SNX13: variants seen among roughly 807,000 people sequenced by gnomAD.
SNX13 encodes sorting nexin-13.
Under a neutral mutation model 133.6 loss-of-function variants are expected in SNX13, and 45 were observed. The observed-to-expected ratio is 0.34, with a 90% CI of 0.27 to 0.43. The LOEUF (loss-of-function observed/expected upper bound fraction) is 0.43. Among genes scored for constraint, SNX13 ranks in the 20% least tolerant of loss-of-function variants. The probability of loss-of-function intolerance (pLI) is 1.00; values close to 1 mark genes in which losing one functional copy is unlikely to be tolerated. For missense variants in SNX13, 1,032 were observed against 1,145.1 expected, an observed-to-expected ratio of 0.90 and a Z score of 1.43; for synonymous variants, 414 against 373.9, an observed-to-expected ratio of 1.11 and a Z score of -1.24.
chr7:17,792,729 A>G lies in SNX13; in HGVS notation c.*1316T>C, dbSNP rs1783666174. The G allele has an allele frequency of 1.3e-5, 2 of 152,358 alleles. No individual in the cohort carries two copies. Among genetic ancestry groups the G allele is most frequent in the South Asian group, 4.1e-4 (2 of 4,834 alleles). The allele number at this position is 152,358 out of a possible 1,614,324, so 9.4% of individuals were successfully genotyped here. The stretch of plus-strand genomic sequence containing the variant: ...AGCTGACACACCCAAACCCTTAGGC[A>G]ATGAAAGTATTTAAAACTATGCAGA... On this transcript the variant is annotated 3_prime_UTR_variant, in exon 26 of 26. Coordinates refer to ENST00000428135, the MANE Select transcript of SNX13 (RefSeq NM_015132.5).
At chr7:17,798,975 G>T (rs373246640) in intron 23 of SNX13, 34 bp downstream of exon 23, 51 of 1,589,168 alleles carry the variant, frequency 3.2e-5, no homozygotes, top group Non-Finnish European at 4.2e-5. Context: ...AGCTAAGTAA[G>T]ATCAGATTAA....
intron 9 of SNX13, among the ~76,000 whole-genome samples, chr7:17,860,246 G>A (rs561233028): frequency 1.3e-5 from 2 of 152,062 alleles, no homozygotes; most frequent in Non-Finnish European, 2.9e-5. Context: ...AATGATTAGG[G>A]ATGTTGCACA....
In SNX13 at chr7:17,798,742, C is replaced by T; in HGVS notation, c.2461G>A (p.Val821Ile). 1 of 1,559,180 alleles carries T rather than the reference C, an allele frequency of 6.4e-7. No individual in the cohort carries two copies. The highest frequency in any genetic ancestry group is 8.6e-7 in the Non-Finnish European group (1 of 1,158,450). The change falls in exon 24 of 26, where the codon GTT (valine) becomes ATT (isoleucine). Residue 821 changes from valine (V) to isoleucine (I), a missense_variant. By Grantham distance (29) the Val-to-Ile change is conservative (BLOSUM62 3). Coordinates refer to ENST00000428135, the MANE Select transcript of SNX13 (RefSeq NM_015132.5). ...TGTTCAGGTGAAGTCATCCAGTCAACATGGTCAACTATTTTTCTGAAAGTA... is the reference window on the plus strand; with the variant it reads ...TGTTCAGGTGAAGTCATCCAGTCAATATGGTCAACTATTTTTCTGAAAGTA... ...DTINRKIVDHVDWMTSPEQVA... is the reference protein window; with the variant it reads ...DTINRKIVDHIDWMTSPEQVA...
intron 13 of SNX13, among the ~76,000 whole-genome samples, chr7:17,839,053 T>C (rs73081348): frequency 0.055 from 8,218 of 149,742 alleles, 245 homozygotes; most frequent in South Asian, 0.11. Flanking sequence ...TATTATTAGA[T>C]TACATTATTA....
intron 24 of SNX13, among the ~76,000 whole-genome samples, chr7:17,798,115 T>G (rs1784249512): frequency 6.6e-6 from 1 of 151,886 alleles, no homozygotes; most frequent in Non-Finnish European, 1.5e-5. Context: ...AGAAAAGAGG[T>G]TTATTTCTCT....
At chr7:17,923,887 C>T (rs1800426732) in intron 1 of SNX13, among the ~76,000 whole-genome samples, 1 of 152,050 alleles carries the variant, frequency 6.6e-6, no homozygotes, top group Non-Finnish European at 1.5e-5. Flanking sequence ...GCCCCCACTG[C>T]CCTCAAATCC....
At chr7:17,847,506 C>A (rs963483309) in intron 11 of SNX13, among the ~76,000 whole-genome samples, 3 of 152,060 alleles carry the variant, frequency 2.0e-5, no homozygotes, top group Non-Finnish European at 4.4e-5. Context: ...AAAAATAATT[C>A]TTCTATTCCT....
chr7:17,888,026 C>T (rs1379282667), intron 5 of SNX13: 2 of 152,098 alleles, frequency 1.3e-5, no homozygotes, highest in Non-Finnish European at 2.9e-5. Flanking sequence ...TGATTGTAAA[C>T]AGACTAATCT....
chr7:17,814,343 C>G (rs538632133), intron 20 of SNX13, among the ~76,000 whole-genome samples: 33 of 152,242 alleles, frequency 2.2e-4, no homozygotes, highest in African/African-American at 7.5e-4. Context: ...ACTAAGCTAT[C>G]CTACCTAATT....
chr7:17,920,335 A>T (rs536379116), intron 1 of SNX13, among the ~76,000 whole-genome samples: 161 of 152,284 alleles, frequency 1.1e-3, no homozygotes, highest in African/African-American at 3.6e-3. Context: ...TTTACTACTT[A>T]CCTTATTCTG....
intron 12 of SNX13, among the ~76,000 whole-genome samples, chr7:17,842,394 T>C (rs951903530): frequency 2.0e-5 from 3 of 152,002 alleles, no homozygotes; most frequent in Non-Finnish European, 2.9e-5. Flanking sequence ...GAAGTAAGGA[T>C]TCCCAGATAA....
intron 1 of SNX13, among the ~76,000 whole-genome samples, chr7:17,902,242 G>GTTTTTTTTTTTTTTTTTTTTTTTTTTT: frequency 8.3e-6 from 1 of 120,360 alleles, no homozygotes; most frequent in Non-Finnish European, 1.7e-5. Flanking sequence ...TACTGTCATG[G>GTTTTTTTTTTTTTTTTTTTTTTTTTTT]TTTTTTTTTT....
intron 11 of SNX13, among the ~76,000 whole-genome samples, chr7:17,847,325 TTTTGTTTG>T (rs139845517): frequency 2.6e-5 from 4 of 152,210 alleles, no homozygotes; most frequent in Admixed American, 2.6e-4. Context: ...TTAAGGGTTT[TTTTGTTTG>T]TTTGTTTGTT....
At chr7:17,851,836 A>G (rs1791249715) in intron 9 of SNX13, among the ~76,000 whole-genome samples, 1 of 152,176 alleles carries the variant, frequency 6.6e-6, no homozygotes, top group South Asian at 2.1e-4. Flanking sequence ...TATGATGGAC[A>G]AGAGTTCAGA....
intron 1 of SNX13, among the ~76,000 whole-genome samples, chr7:17,910,826 T>C (rs995764933): frequency 6.6e-6 from 1 of 152,222 alleles, no homozygotes; most frequent in Non-Finnish European, 1.5e-5. Flanking sequence ...TTCATTTATA[T>C]AAAATATCCA....
chr7:17,840,929 G>C (rs992977407), intron 12 of SNX13, among the ~76,000 whole-genome samples: 1 of 152,022 alleles, frequency 6.6e-6, no homozygotes, highest in Non-Finnish European at 1.5e-5. Context: ...GGCTTGGGAA[G>C]TAAGCTTTGG....
chr7:17,900,891 T>G (rs1165243689), intron 1 of SNX13, among the ~76,000 whole-genome samples: 1 of 152,000 alleles, frequency 6.6e-6, no homozygotes, highest in African/African-American at 2.4e-5. Flanking sequence ...TCCCCCCGCA[T>G]AGTTACCACA....
At chr7:17,822,726 A>G (rs1357967090) in intron 17 of SNX13, among the ~76,000 whole-genome samples, 3 of 152,102 alleles carry the variant, frequency 2.0e-5, no homozygotes, top group Non-Finnish European at 2.9e-5. Context: ...GGGTGTTCTG[A>G]GTGCCCTGGG....
At position 17,932,825 on chromosome 7, in the gene SNX13, T is replaced by C. The variant is rs117312989; in HGVS notation, c.12+7459A>G. ...AGTCACAGTTATCTTTTAATTATAT[T>C]CTCCAATCTTTTCCCCTCTTAACTT... On this transcript the variant is annotated intron_variant, in intron 1 of 25. Transcript: ENST00000428135. Among the ~76,000 whole-genome samples the C allele has an allele frequency of 7.3e-3, 1,116 of 152,318 alleles. 7 individuals carry two copies. The highest frequency in any genetic ancestry group is 0.012 in the Non-Finnish European group (848 of 68,030).
Sources: allele counts gnomAD v4.1 joint callset (sites outside exome capture counted in the v4.1 genomes callset), GRCh38; gene constraint gnomAD v4.1.1; transcripts MANE v1.5; gene names NCBI Gene and HGNC (gene_info 2026-07-23, HGNC 2026-07-21).